LTBP1: variants seen among roughly 807,000 people sequenced by gnomAD.
LTBP1 encodes the protein latent-transforming growth factor beta-binding protein 1.
A neutral mutation model predicts 207.6 loss-of-function variants in LTBP1; 129 were observed. The observed-to-expected ratio is 0.62, with a 90% CI of 0.54 to 0.72. LTBP1 has a LOEUF of 0.72. LTBP1 is among the 30% of genes least tolerant of loss of function. The pLI is 0.00. For missense variants in LTBP1, 2,281 were observed against 2,217.2 expected (o/e 1.03, Z -0.58); for synonymous variants, 963 against 833.7 (o/e 1.16, Z -2.67).
chr2:33,307,481 A>G (rs758687936), intron 22 of LTBP1, among the ~76,000 whole-genome samples: 38 of 152,334 alleles, frequency 2.5e-4, no homozygotes, highest in Non-Finnish European at 5.1e-4. Context: ...ACTGATACAC[A>G]CAGCAACTTG....
At chr2:33,056,740 G>A (rs1003357644) in intron 3 of LTBP1, among the ~76,000 whole-genome samples, 1 of 151,966 alleles carries the variant, frequency 6.6e-6, no homozygotes, top group Non-Finnish European at 1.5e-5. Flanking sequence ...GCTCATAAAG[G>A]CAGTGTGGAC....
intron 7 of LTBP1, among the ~76,000 whole-genome samples, chr2:33,211,348 C>T (rs2090295741): frequency 6.6e-6 from 1 of 152,160 alleles, no homozygotes; most frequent in Non-Finnish European, 1.5e-5. Flanking sequence ...GGAGTCCAGC[C>T]CATGCTCTGC....
intron 25 of LTBP1, 148 bp from the exon 26 acceptor site, chr2:33,347,219 C>T (rs1411728780): frequency 1.3e-6 from 1 of 749,692 alleles, no homozygotes; most frequent in African/African-American, 1.8e-5. Context: ...TAAAGAGCCC[C>T]TTCCCTAAAA....
At chr2:33,342,019 A>G (rs1201556456) in intron 24 of LTBP1, among the ~76,000 whole-genome samples, 1 of 152,176 alleles carries the variant, frequency 6.6e-6, no homozygotes, top group Non-Finnish European at 1.5e-5. Context: ...GATGGGTGGT[A>G]TAGATGTGGC....
At chr2:33,291,513 T>G (rs949458469) in intron 19 of LTBP1, 2 of 152,236 alleles carry the variant, frequency 1.3e-5, no homozygotes, top group African/African-American at 2.4e-5. Context: ...ATGCTTGGCT[T>G]CTTCTTTCAA....
At chr2:33,077,476 A>G (rs1233427816) in intron 3 of LTBP1, among the ~76,000 whole-genome samples, 1 of 152,210 alleles carries the variant, frequency 6.6e-6, no homozygotes, top group Non-Finnish European at 1.5e-5. Flanking sequence ...GGCAGAAGGC[A>G]AAGTCAGAGC....
At chr2:33,177,826 T>C (rs908741573) in intron 5 of LTBP1, among the ~76,000 whole-genome samples, 35 of 152,200 alleles carry the variant, frequency 2.3e-4, no homozygotes, top group African/African-American at 8.4e-4. Flanking sequence ...GGCTGTGTAG[T>C]AAGAAAAGAA....
intron 3 of LTBP1, among the ~76,000 whole-genome samples, chr2:33,105,391 T>C (rs1252993040): frequency 6.6e-6 from 1 of 152,000 alleles, no homozygotes; most frequent in Non-Finnish European, 1.5e-5. Context: ...ACCTTACTGC[T>C]CGAAAATGCT....
intron 7 of LTBP1, among the ~76,000 whole-genome samples, chr2:33,215,883 T>C (rs566811863): frequency 6.6e-6 from 1 of 151,960 alleles, no homozygotes; most frequent in East Asian, 1.9e-4. Context: ...GCTGGCTAAT[T>C]TTTTGTATTT....
intron 2 of LTBP1, among the ~76,000 whole-genome samples, chr2:32,979,175 T>TA (rs904370917): frequency 1.6e-4 from 24 of 150,542 alleles, no homozygotes; most frequent in African/African-American, 5.9e-4. Context: ...TATATATATA[T>TA]TTTTTTCATT....
chr2:33,214,649 T>A (rs543135731), intron 7 of LTBP1, among the ~76,000 whole-genome samples: 140 of 152,338 alleles, frequency 9.2e-4, no homozygotes, highest in African/African-American at 3.3e-3. Context: ...TCAAACAGAC[T>A]TCCCCAGGTC....
In LTBP1 at chr2:33,289,110, C is replaced by G. The variant is rs370992425; in HGVS notation, c.3113-4050C>G. 2.2e-3 allele frequency among the ~76,000 whole-genome samples: 328 copies of G among 152,286 alleles called. 2 individuals carry two copies. Among genetic ancestry groups the G allele is most frequent in the African/African-American group, 7.2e-3 (299 of 41,558 alleles). On this transcript the variant is annotated intron_variant, in intron 19 of 33. Transcript: ENST00000404816. ...AGGAAATTCTGTGGGCATGGCACAT[C>G]TAGTTTTCAACAATGTACTTGTTAG...
At position 33,389,320 on chromosome 2, in the gene LTBP1, C is replaced by T. The variant is rs368364110; in HGVS notation, c.4834+14C>T. 6.2e-7 allele frequency: 1 copy of T among 1,613,880 alleles called. No homozygotes were observed. The highest frequency in any genetic ancestry group is 8.5e-7 in the Non-Finnish European group (1 of 1,179,876). ...TCATCCAAGACCGTAAGCAAAATAA[C>T]CTTGTTCCTTTGATACTAAGTTGTG... On this transcript the variant is annotated intron_variant, in intron 32 of 33. Transcript: ENST00000404816.
At chr2:33,299,820 C>G (rs1403411771) in intron 20 of LTBP1, among the ~76,000 whole-genome samples, 1 of 152,192 alleles carries the variant, frequency 6.6e-6, no homozygotes, top group Non-Finnish European at 1.5e-5. Flanking sequence ...TAAGAATTAT[C>G]TTCTTTCTCA....
At chr2:33,140,952 C>G (rs908387764) in intron 5 of LTBP1, among the ~76,000 whole-genome samples, 4 of 152,236 alleles carry the variant, frequency 2.6e-5, no homozygotes, top group African/African-American at 7.2e-5. Context: ...GCGTAAGCCA[C>G]CACGCCCGGT....
chr2:33,202,760 A>G (rs2089457594), intron 7 of LTBP1, among the ~76,000 whole-genome samples: 1 of 152,220 alleles, frequency 6.6e-6, no homozygotes, highest in Admixed American at 6.5e-5. Flanking sequence ...CCATCGCCTA[A>G]GGCCACATGC....
At chr2:32,952,443 ATG>A (rs1677289611) in intron 2 of LTBP1, among the ~76,000 whole-genome samples, 1 of 152,204 alleles carries the variant, frequency 6.6e-6, no homozygotes, top group South Asian at 2.1e-4. Flanking sequence ...ATCGTGTGGG[ATG>A]TGTCATTTTA....
At chr2:33,281,454 T>A (rs2093557522) in intron 19 of LTBP1, among the ~76,000 whole-genome samples, 1 of 152,116 alleles carries the variant, frequency 6.6e-6, no homozygotes, top group Non-Finnish European at 1.5e-5. Context: ...ACAGGAAGAT[T>A]TGCTGCAAGA....
chr2:33,385,047 A>G (rs1050424199), intron 31 of LTBP1, among the ~76,000 whole-genome samples: 3 of 152,194 alleles, frequency 2.0e-5, no homozygotes, highest in East Asian at 1.9e-4. Flanking sequence ...ATTTAGGCCT[A>G]TATTAAAAAT....
Sources: gnomAD v4.1 joint callset for allele counts (sites outside exome capture counted in the v4.1 genomes callset) on GRCh38, gnomAD v4.1.1 for gene constraint, MANE v1.5 for transcripts, NCBI Gene and HGNC (gene_info 2026-07-23, HGNC 2026-07-21) for gene names.